Variants in PCDH9 observed in about 807,000 individuals in gnomAD.
PCDH9 encodes protocadherin-9.
A neutral mutation model predicts 70.6 loss-of-function variants in PCDH9; 24 were observed. That is an observed-to-expected ratio of 0.34 (90% CI 0.25 to 0.48). PCDH9 has a LOEUF of 0.48. Among genes scored for constraint, PCDH9 ranks in the 20% least tolerant of loss-of-function variants. The probability of loss-of-function intolerance (pLI) is 0.99; values close to 1 mark genes in which losing one functional copy is unlikely to be tolerated. For missense variants in PCDH9, 1,281 were observed against 1,503.6 expected (o/e 0.85, Z 2.45); for synonymous variants, 562 against 558.5 (o/e 1.01, Z -0.09).
At chr13:67,018,040 T>C (rs184871561) in intron 2 of PCDH9, among the ~76,000 whole-genome samples, 2 of 152,328 alleles carry the variant, frequency 1.3e-5, no homozygotes, top group East Asian at 3.9e-4. Context: ...TTACAAATTT[T>C]TCTTTGATTA....
At chr13:66,512,508 T>C (rs1959528718) in intron 4 of PCDH9, among the ~76,000 whole-genome samples, 1 of 152,058 alleles carries the variant, frequency 6.6e-6, no homozygotes, top group East Asian at 1.9e-4. Flanking sequence ...AATGAAGATG[T>C]TTCTGGCTTT....
chr13:66,693,248 T>A (rs760588802), intron 3 of PCDH9, among the ~76,000 whole-genome samples: 24 of 152,240 alleles, frequency 1.6e-4, no homozygotes, highest in Middle Eastern at 3.4e-3. Flanking sequence ...GTTCTTTTCA[T>A]AAACTTTGAC....
At chr13:67,103,670 T>C (rs1262648192) in intron 2 of PCDH9, among the ~76,000 whole-genome samples, 2 of 152,186 alleles carry the variant, frequency 1.3e-5, no homozygotes, top group Non-Finnish European at 2.9e-5. Flanking sequence ...GGGAAATTGT[T>C]GTAACTTACA....
At chr13:67,127,306 C>T (rs1361759255) in intron 2 of PCDH9, among the ~76,000 whole-genome samples, 1 of 152,122 alleles carries the variant, frequency 6.6e-6, no homozygotes, top group Non-Finnish European at 1.5e-5. Flanking sequence ...ACTTTGTGAA[C>T]CTGAAATTTT....
chr13:66,720,501 C>A (rs1348940715), intron 3 of PCDH9, among the ~76,000 whole-genome samples: 1 of 151,656 alleles, frequency 6.6e-6, no homozygotes, highest in Non-Finnish European at 1.5e-5. Flanking sequence ...ATCTAGTAGA[C>A]AATGTAAAAA....
intron 3 of PCDH9, among the ~76,000 whole-genome samples, chr13:66,844,130 C>G (rs1369578972): frequency 1.3e-5 from 2 of 151,932 alleles, no homozygotes; most frequent in South Asian, 2.1e-4. Flanking sequence ...AGAGGAAACC[C>G]TACAAATATT....
intron 3 of PCDH9, among the ~76,000 whole-genome samples, chr13:66,893,235 A>G (rs970303284): frequency 2.0e-5 from 3 of 152,176 alleles, no homozygotes. Context: ...CAAATAATCC[A>G]TGAAACATAT....
At chr13:66,596,238 CAGAG>C (rs1490430169) in intron 4 of PCDH9, among the ~76,000 whole-genome samples, 5 of 151,590 alleles carry the variant, frequency 3.3e-5, no homozygotes, top group Non-Finnish European at 7.4e-5. Context: ...TTTGTCCAGA[CAGAG>C]AAAAATTGTT....
At chr13:67,092,250 ATACT>A (rs1446760309) in intron 2 of PCDH9, among the ~76,000 whole-genome samples, 1 of 152,168 alleles carries the variant, frequency 6.6e-6, no homozygotes, top group Non-Finnish European at 1.5e-5. Context: ...CTGGCTTATG[ATACT>A]TACAATACAT....
chr13:67,172,752 C>T (rs1028245529), intron 2 of PCDH9, among the ~76,000 whole-genome samples: 1 of 151,842 alleles, frequency 6.6e-6, no homozygotes, highest in South Asian at 2.1e-4. Context: ...GTGGCACAAG[C>T]CTGTAATCCC....
At chr13:66,410,977 T>C (rs1957359744) in intron 4 of PCDH9, among the ~76,000 whole-genome samples, 1 of 152,194 alleles carries the variant, frequency 6.6e-6, no homozygotes, top group African/African-American at 2.4e-5. Flanking sequence ...TCTAAGCAAA[T>C]TCAACACTTG....
At chr13:66,614,380 T>A (rs1341942950) in intron 4 of PCDH9, among the ~76,000 whole-genome samples, 5 of 152,214 alleles carry the variant, frequency 3.3e-5, no homozygotes, top group African/African-American at 1.2e-4. Context: ...AATTGAGCAT[T>A]GAAATAAAAG....
At position 66,406,627 on chromosome 13, in the gene PCDH9, T is replaced by C. The variant is rs145607142; in HGVS notation, c.3341-101599A>G. ...TGGCTTGTAACGGGTCAAATTAGGA[T>C]CACAGTTTAGCTTTGTTTAAACACA... is the stretch of plus-strand genomic sequence containing the variant. On this transcript the variant is annotated intron_variant, in intron 4 of 4. Transcript: ENST00000377865. Among the ~76,000 whole-genome samples the C allele has an allele frequency of 7.7e-3, 1,166 of 152,274 alleles. 16 individuals are homozygous for C. The highest frequency in any genetic ancestry group is 0.027 in the African/African-American group (1,106 of 41,556).
chr13:66,710,488 T>C (rs1779439416), intron 3 of PCDH9, among the ~76,000 whole-genome samples: 1 of 152,206 alleles, frequency 6.6e-6, no homozygotes, highest in Admixed American at 6.5e-5. Flanking sequence ...TATATCCCTC[T>C]TGAAACACCT....
chr13:66,885,379 G>C (rs771149329), intron 3 of PCDH9, among the ~76,000 whole-genome samples: 2 of 152,006 alleles, frequency 1.3e-5, no homozygotes, highest in African/African-American at 2.4e-5. Context: ...AAAATGCCTA[G>C]GAAAATATAT....
intron 4 of PCDH9, among the ~76,000 whole-genome samples, chr13:66,389,814 G>A (rs1364271616): frequency 6.6e-6 from 1 of 152,136 alleles, no homozygotes; most frequent in African/African-American, 2.4e-5. Context: ...CTTCCATCAT[G>A]AAAGTTCTAT....
intron 3 of PCDH9, among the ~76,000 whole-genome samples, chr13:66,787,636 A>G (rs1289091541): frequency 6.6e-6 from 1 of 152,038 alleles, no homozygotes; most frequent in Non-Finnish European, 1.5e-5. Context: ...AAAAAAAGAA[A>G]AAGATAACAC....
intron 3 of PCDH9, among the ~76,000 whole-genome samples, chr13:66,661,599 A>C (rs796613414): frequency 1.3e-5 from 2 of 152,320 alleles, no homozygotes; most frequent in African/African-American, 4.8e-5. Context: ...TTTTCTGCTA[A>C]TCCAAATGAA....
chr13:66,398,268 G>T (rs568031222), intron 4 of PCDH9, among the ~76,000 whole-genome samples: 1 of 152,160 alleles, frequency 6.6e-6, no homozygotes, highest in Middle Eastern at 3.4e-3. Context: ...AAAGAGTGTA[G>T]AATTTTTTGG....
Sources: allele counts gnomAD v4.1 joint callset (sites outside exome capture counted in the v4.1 genomes callset), GRCh38; gene constraint gnomAD v4.1.1; transcripts MANE v1.5; gene names NCBI Gene and HGNC (gene_info 2026-07-23, HGNC 2026-07-21).